The following PRUNE2 variants were observed in gnomAD, a reference collection of about 807,000 sequenced individuals.
PRUNE2 encodes protein prune homolog 2.
PRUNE2 carries 164 observed loss-of-function variants against 252.0 expected under a neutral mutation model. That is an observed-to-expected ratio of 0.65 (90% CI 0.57 to 0.74). PRUNE2 has a LOEUF of 0.74. Among genes scored for constraint, PRUNE2 ranks in the 30% least tolerant of loss-of-function variants. The probability of loss-of-function intolerance (pLI) is 0.00; values close to 1 mark genes in which losing one functional copy is unlikely to be tolerated. For missense variants in PRUNE2, 3,495 were observed against 3,711.0 expected (o/e 0.94, Z 1.51); for synonymous variants, 1,292 against 1,350.2 (o/e 0.96, Z 0.94).
chr9:76,861,157 G>T (rs942609536), intron 1 of PRUNE2, among the ~76,000 whole-genome samples: 2 of 152,168 alleles, frequency 1.3e-5, no homozygotes, highest in African/African-American at 4.8e-5. Context: ...GAGGCCTGGA[G>T]ATGTCCAGAG....
At chr9:76,845,000 T>TAAAAAA (rs55754002) in intron 4 of PRUNE2, among the ~76,000 whole-genome samples, 1 of 60,772 alleles carries the variant, frequency 1.6e-5, no homozygotes, top group Non-Finnish European at 3.0e-5. Context: ...CCCCCTCTCT[T>TAAAAAA]AAAAAAAAAA....
intron 18 of PRUNE2, chr9:76,615,212 C>G: frequency 5.1e-6 from 5 of 985,420 alleles, no homozygotes; most frequent in Non-Finnish European, 6.0e-6. Flanking sequence ...CTCTCTTCTG[C>G]TTCTTAGTGA....
At chr9:76,722,736 GCATT>G (rs1373829878) in intron 6 of PRUNE2, among the ~76,000 whole-genome samples, 1 of 152,030 alleles carries the variant, frequency 6.6e-6, no homozygotes, top group Non-Finnish European at 1.5e-5. Context: ...TCTCTGTTTT[GCATT>G]GAGAAAATGG....
intron 1 of PRUNE2, among the ~76,000 whole-genome samples, chr9:76,856,770 C>T (rs1333243243): frequency 6.7e-6 from 1 of 148,318 alleles, no homozygotes; most frequent in Non-Finnish European, 1.5e-5. Context: ...TTTTTTTTTT[C>T]CAAGATGGAG....
intron 6 of PRUNE2, among the ~76,000 whole-genome samples, chr9:76,776,999 G>C (rs949228601): frequency 1.3e-5 from 2 of 150,424 alleles, no homozygotes; most frequent in Admixed American, 1.3e-4. Flanking sequence ...CTCCTAAACT[G>C]TTCCTCTTGG....
intron 12 of PRUNE2, among the ~76,000 whole-genome samples, chr9:76,641,726 G>A (rs1842658287): frequency 1.7e-5 from 1 of 57,536 alleles, no homozygotes; most frequent in Admixed American, 1.8e-4. Context: ...GCTGGGTGGG[G>A]TGCATGAGCA....
At chr9:76,787,574 T>G (rs1358255204) in intron 6 of PRUNE2, 3 of 152,204 alleles carry the variant, frequency 2.0e-5, no homozygotes, top group Non-Finnish European at 4.4e-5. Context: ...AAGTGATCCT[T>G]TGCCATGTTT....
rs1465098785 is a variant in PRUNE2, at chr9:76,850,512, C to T, written c.295G>A (p.Asp99Asn). ...AGTGTTATCGATAACTTCCCTTCAT[C>T]ATTTAGCTGATGCAGGTTAATTTCA... The part of the protein sequence containing the change: ...RDEINLHQLN[D>N]EGKLSITLVG... The change falls in exon 3 of 19, where the codon GAT becomes AAT. Residue 99 changes from aspartate (D) to asparagine (N), a missense_variant. By Grantham distance (23) the Asp-to-Asn change is conservative (BLOSUM62 1). Coordinates refer to ENST00000376718, the MANE Select transcript of PRUNE2 (RefSeq NM_015225.3). The T allele has an allele frequency of 1.4e-5, 23 of 1,614,030 alleles. No homozygotes were observed. The highest frequency in any genetic ancestry group is 1.9e-5 in the Non-Finnish European group (23 of 1,180,022).
At chr9:76,875,056 G>T (rs1414300515) in intron 1 of PRUNE2, among the ~76,000 whole-genome samples, 4 of 152,034 alleles carry the variant, frequency 2.6e-5, no homozygotes, top group African/African-American at 9.7e-5. Context: ...ACCCCAGTGT[G>T]TTTCAACCAT....
chr9:76,681,608 G>A (rs1366194677), intron 9 of PRUNE2, among the ~76,000 whole-genome samples: 1 of 151,186 alleles, frequency 6.6e-6, no homozygotes, highest in South Asian at 2.1e-4. Context: ...GACTGTGTGG[G>A]TGCCCACCCA....
chr9:76,857,627 A>G (rs1470293508), intron 1 of PRUNE2, among the ~76,000 whole-genome samples: 1 of 152,186 alleles, frequency 6.6e-6, no homozygotes, highest in East Asian at 1.9e-4. Context: ...GCTTGGAGGA[A>G]TAAAACATAA....
chr9:76,818,557 G>A (rs2057836803), intron 6 of PRUNE2, among the ~76,000 whole-genome samples: 1 of 152,118 alleles, frequency 6.6e-6, no homozygotes, highest in Admixed American at 6.5e-5. Flanking sequence ...ACACAGCAGA[G>A]TGGCTGGTCA....
chr9:76,700,317 T>G (rs775946215), intron 9 of PRUNE2: 12 of 152,254 alleles, frequency 7.9e-5, no homozygotes, highest in Non-Finnish European at 1.8e-4. Context: ...GAGGCTTTCT[T>G]AATTTTCTTT....
At chr9:76,802,850 C>T (rs1449439803) in intron 6 of PRUNE2, among the ~76,000 whole-genome samples, 1 of 152,106 alleles carries the variant, frequency 6.6e-6, no homozygotes, top group Non-Finnish European at 1.5e-5. Flanking sequence ...GTATAACATG[C>T]TTAAAATATG....
chr9:76,875,014 C>CT (rs35805276), intron 1 of PRUNE2, among the ~76,000 whole-genome samples: 10 of 152,154 alleles, frequency 6.6e-5, no homozygotes, highest in African/African-American at 2.2e-4. Flanking sequence ...CTTCTGAGGC[C>CT]TTTTTTTCCA....
chr9:76,644,486 A>G (rs1416543994), intron 12 of PRUNE2: 11 of 553,974 alleles, frequency 2.0e-5, no homozygotes, highest in Non-Finnish European at 3.3e-5. Flanking sequence ...AAATTTGCAC[A>G]AGATGATCGC....
chr9:76,712,381 C>T (rs2046802814), intron 7 of PRUNE2, among the ~76,000 whole-genome samples: 1 of 151,338 alleles, frequency 6.6e-6, no homozygotes, highest in East Asian at 2.0e-4. Context: ...AAGGCTGACT[C>T]GGCCAGTGGT....
intron 10 of PRUNE2, 38 bp downstream of exon 10, chr9:76,655,385 G>C (rs770374015): frequency 6.9e-7 from 1 of 1,443,220 alleles, no homozygotes; most frequent in South Asian, 1.2e-5. Flanking sequence ...TTGGGATACA[G>C]AATACCAACG....
chr9:76,830,468 A>G (rs1001028536), intron 4 of PRUNE2, among the ~76,000 whole-genome samples: 1 of 152,116 alleles, frequency 6.6e-6, no homozygotes, highest in East Asian at 1.9e-4. Context: ...CCTGGCCAAC[A>G]TGGTGAAACT....
Sources: allele counts gnomAD v4.1 joint callset (sites outside exome capture counted in the v4.1 genomes callset), GRCh38; gene constraint gnomAD v4.1.1; transcripts MANE v1.5; gene names NCBI Gene and HGNC (gene_info 2026-07-23, HGNC 2026-07-21).